The following PI4KA variants were observed in gnomAD, a reference collection of about 807,000 sequenced individuals.
PI4KA encodes PI4-kinase alpha.
PI4KA carries 122 observed loss-of-function variants against 271.4 expected under a neutral mutation model. The observed-to-expected ratio is 0.45, with a 90% CI of 0.39 to 0.52. PI4KA has a LOEUF of 0.52. Ranked by LOEUF, PI4KA falls within the 20% of genes least tolerant of loss-of-function variation. PI4KA has a pLI of 0.00. For synonymous variants in PI4KA, 1,041 were observed against 1,078.8 expected (o/e 0.96, Z 0.69); for missense variants, 1,969 against 2,769.1 (o/e 0.71, Z 6.48).
rs1927523296 is a variant in PI4KA, at chr22:20,727,644, GA to G, written c.4773+129del. 4 of 738,394 alleles carry G rather than the reference GA, an allele frequency of 5.4e-6. No homozygotes were observed. In the Admixed American group the frequency reaches 1.2e-4, roughly 22 times the overall value. 45.7% of individuals were successfully genotyped at this position (738,394 alleles called of 1,614,324 possible). A position where few individuals can be genotyped will look rare whatever the true frequency, so the allele number is the denominator to read the frequency against. On this transcript the variant is annotated intron_variant, in intron 40 of 54. Transcript: ENST00000255882. Reference sequence around the variant, plus strand: ...AAGAAATAGAAAACACAGGAAATCAGAAAAACCATGAATAGCACTGAAGTTG... The same window carrying G: ...AAGAAATAGAAAACACAGGAAATCAGAAAACCATGAATAGCACTGAAGTTG...
intron 42 of PI4KA, among the ~76,000 whole-genome samples, chr22:20,724,890 T>G (rs1927166822): frequency 6.6e-6 from 1 of 152,158 alleles, no homozygotes. Context: ...AGGAAACAGG[T>G]TGCTGAAGAG....
chr22:20,777,389 T>C (rs1933389581), intron 19 of PI4KA, among the ~76,000 whole-genome samples: 1 of 152,116 alleles, frequency 6.6e-6, no homozygotes, highest in African/African-American at 2.4e-5. Context: ...CTAATTTTTT[T>C]GTATTTTTTG....
chr22:20,772,544 G>A (rs1932922700), intron 19 of PI4KA, among the ~76,000 whole-genome samples: 1 of 152,200 alleles, frequency 6.6e-6, no homozygotes. Flanking sequence ...CCACCGGTCT[G>A]TGTCCTGAAC....
intron 27 of PI4KA, 48 bp downstream of exon 27, chr22:20,751,245 A>G: frequency 1.4e-6 from 2 of 1,431,620 alleles, no homozygotes; most frequent in South Asian, 1.2e-5. Context: ...ATACTCAGGG[A>G]ATTGTGGTAA....
At chr22:20,812,012 CAAA>C (rs361795) in intron 8 of PI4KA, among the ~76,000 whole-genome samples, 6 of 77,454 alleles carry the variant, frequency 7.7e-5, no homozygotes, top group East Asian at 3.4e-4. Context: ...GACTCCATCT[CAAA>C]AAAAAAAAAA....
chr22:20,795,660 G>A (rs778511242), intron 18 of PI4KA, among the ~76,000 whole-genome samples: 11 of 152,166 alleles, frequency 7.2e-5, no homozygotes, highest in Admixed American at 2.0e-4. Flanking sequence ...GGCCTCACCT[G>A]CCTCGGCCCC....
At chr22:20,764,106 T>A (rs1328743625) in intron 22 of PI4KA, among the ~76,000 whole-genome samples, 1 of 152,218 alleles carries the variant, frequency 6.6e-6, no homozygotes, top group Non-Finnish European at 1.5e-5. Flanking sequence ...TGAGTGTAAT[T>A]TGACCTTTTC....
intron 1 of PI4KA, among the ~76,000 whole-genome samples, chr22:20,853,393 C>A (rs765274852): frequency 6.6e-6 from 1 of 152,100 alleles, no homozygotes; most frequent in Non-Finnish European, 1.5e-5. Context: ...GGTGGCTCAG[C>A]AACATTCTGA....
intron 45 of PI4KA, among the ~76,000 whole-genome samples, chr22:20,715,391 ACT>A (rs1925857872): frequency 6.7e-6 from 1 of 148,616 alleles, no homozygotes; most frequent in South Asian, 2.1e-4. Flanking sequence ...TTTGAATACT[ACT>A]CTCTCAAAAG....
intron 22 of PI4KA, among the ~76,000 whole-genome samples, chr22:20,761,595 A>T (rs758453802): frequency 1.3e-5 from 2 of 152,168 alleles, no homozygotes; most frequent in Non-Finnish European, 2.9e-5. Context: ...CACCATTAGG[A>T]TATATCTTCA....
intron 3 of PI4KA, among the ~76,000 whole-genome samples, chr22:20,831,448 T>C (rs555334426): frequency 6.6e-6 from 1 of 151,922 alleles, no homozygotes; most frequent in Admixed American, 6.6e-5. Flanking sequence ...GTGCCTGTAG[T>C]CCCCAGTTAC....
chr22:20,764,028 C>T (rs1209326886), intron 22 of PI4KA, among the ~76,000 whole-genome samples: 1 of 152,188 alleles, frequency 6.6e-6, no homozygotes, highest in Non-Finnish European at 1.5e-5. Context: ...CTCAGGAACA[C>T]TTTCTTTTTC....
chr22:20,729,475 T>C lies in PI4KA; in HGVS notation c.4520A>G (p.Tyr1507Cys), dbSNP rs1927752517. The C allele has an allele frequency of 1.9e-6, 3 of 1,607,402 alleles. No individual in the cohort carries two copies. Among genetic ancestry groups the C allele is most frequent in the Non-Finnish European group, 1.7e-6 (2 of 1,176,562 alleles). The change falls in exon 39 of 55, where the codon TAC (tyrosine) becomes TGC (cysteine). Residue 1507 changes from tyrosine to cysteine, a missense_variant. By Grantham distance (194) the Tyr-to-Cys change is radical. Transcript: ENST00000255882. Reference sequence around the variant, plus strand: ...CAGTTCCGGGGCTGACAGCGGGTTGTACCATGTGATGAGACGCTCGATCTC... The same window carrying C: ...CAGTTCCGGGGCTGACAGCGGGTTGCACCATGTGATGAGACGCTCGATCTC... ...ATEIERLITW[Y>C]NPLSAPELEL...
intron 5 of PI4KA, 140 bp downstream of exon 5, chr22:20,820,399 C>T (rs1484600859): frequency 1.3e-5 from 8 of 630,904 alleles, no homozygotes; most frequent in Non-Finnish European, 2.0e-5. Flanking sequence ...AGGATACTAA[C>T]ACACAACAAA....
intron 29 of PI4KA, 44 bp from the exon 30 acceptor site, chr22:20,744,764 C>T: frequency 1.3e-6 from 2 of 1,493,288 alleles, no homozygotes; most frequent in Non-Finnish European, 1.9e-6. Flanking sequence ...CAGCACTATC[C>T]TTTCCTCGTG....
chr22:20,782,354 TC>T (rs940258240), intron 19 of PI4KA, among the ~76,000 whole-genome samples: 2 of 152,286 alleles, frequency 1.3e-5, no homozygotes, highest in African/African-American at 2.4e-5. Flanking sequence ...CTGCTTCCTT[TC>T]CCCATCATGA....
In PI4KA at chr22:20,711,172, C is replaced by G. The variant is rs1925224430; in HGVS notation, c.5923+169G>C. 7.2e-6 allele frequency: 4 copies of G among 553,014 alleles called. No individual in the cohort carries two copies. The South Asian group carries it at 7.8e-5, about 11-fold the overall frequency. The allele number at this position is 553,014 out of a possible 1,614,324, so 34.3% of individuals were successfully genotyped here. Reference sequence around the variant, plus strand: ...GCTCCCTGGGGCCGGGGCCAGGCACCCTCTACAGCAGAACAGCTTGGTGGC... The same window carrying G: ...GCTCCCTGGGGCCGGGGCCAGGCACGCTCTACAGCAGAACAGCTTGGTGGC... On this transcript the variant is annotated intron_variant, in intron 51 of 54. Coordinates refer to ENST00000255882, the MANE Select transcript of PI4KA (RefSeq NM_058004.4).
rs767815253 is a variant in PI4KA, at chr22:20,727,877, G to A, written c.4683-13C>T. On this transcript the variant is annotated splice_polypyrimidine_tract_variant and intron_variant, in intron 39 of 54. Coordinates refer to ENST00000255882, the MANE Select transcript of PI4KA (RefSeq NM_058004.4). ...TGTGTTCTTAAACCTACAGTGCACAGAGGGTATGGGTGGTGCTGCCTCGCC... is the reference window on the plus strand; with the variant it reads ...TGTGTTCTTAAACCTACAGTGCACAAAGGGTATGGGTGGTGCTGCCTCGCC... 2 of 1,607,172 alleles carry A rather than the reference G, an allele frequency of 1.2e-6. No individual in the cohort carries two copies. The highest frequency in any genetic ancestry group is 4.5e-5 in the East Asian group (2 of 44,840).
Position 20,858,687 on chromosome 22 carries a change from GCCTCCGCCTCCGCCTCCC to G in PI4KA, c.21_38del (p.Gly13_Gly18del). On this transcript the variant is annotated inframe_deletion, in exon 1 of 55. Transcript: ENST00000255882. The stretch of plus-strand genomic sequence containing the variant: ...AGCCGGAGCAGCCGCCGCCGCCTCC[GCCTCCGCCTCCGCCTCCC>G]CGGGCCGGGGCCGCCGCCATCACCT... 1 of 1,467,722 alleles carries G rather than the reference GCCTCCGCCTCCGCCTCCC, an allele frequency of 6.8e-7. No homozygotes were observed. Among genetic ancestry groups the G allele is most frequent in the Non-Finnish European group, 9.0e-7 (1 of 1,115,006 alleles). The allele number at this position is 1,467,722 out of a possible 1,614,324, so 90.9% of individuals were successfully genotyped here.
Sources: allele counts gnomAD v4.1 joint callset (sites outside exome capture counted in the v4.1 genomes callset), GRCh38; gene constraint gnomAD v4.1.1; transcripts MANE v1.5; gene names NCBI Gene and HGNC (gene_info 2026-07-23, HGNC 2026-07-21).